Variants in TDRD9 observed in about 807,000 individuals in gnomAD.
TDRD9 encodes ATP-dependent RNA helicase TDRD9.
In TDRD9, 124 loss-of-function variants were observed where a neutral mutation model predicts 172.6. The observed-to-expected ratio is 0.72, with a 90% CI of 0.62 to 0.83. The LOEUF (loss-of-function observed/expected upper bound fraction) is 0.83. TDRD9 is among the 40% of genes least tolerant of loss of function. The pLI, the probability that TDRD9 is intolerant of heterozygous loss-of-function variation, is 0.00. For missense variants in TDRD9, 1,479 were observed against 1,714.1 expected (o/e 0.86, Z 2.42); for synonymous variants, 619 against 617.1 (o/e 1.00, Z -0.05).
At position 103,965,511 on chromosome 14, in the gene TDRD9, G is replaced by T. The variant is rs936600145; in HGVS notation, c.599G>T (p.Ser200Ile). ...IGASSIARWISKERAWTLGGV... is the reference protein window; with the variant it reads ...IGASSIARWIIKERAWTLGGV... Reference sequence around the variant, plus strand: ...GCAAGCAGCATCGCCAGGTGGATCAGTAAAGAGCGTGCCTGGACCCTGGGA... The same window carrying T: ...GCAAGCAGCATCGCCAGGTGGATCATTAAAGAGCGTGCCTGGACCCTGGGA... Residue 200 changes from serine (S) to isoleucine (I), a missense_variant, in exon 4 of 36, where the codon AGT becomes ATT. By Grantham distance (142) the Ser-to-Ile change is moderately radical. Coordinates refer to ENST00000409874, the MANE Select transcript of TDRD9 (RefSeq NM_153046.3). 1.4e-5 allele frequency: 20 copies of T among 1,426,990 alleles called. No individual in the cohort carries two copies. Among genetic ancestry groups the T allele is most frequent in the Non-Finnish European group, 1.9e-5 (20 of 1,071,042 alleles). 88.4% of individuals were successfully genotyped at this position (1,426,990 alleles called of 1,614,324 possible).
chr14:104,004,361 GTTTATTTATTTA>G (rs10593237), intron 14 of TDRD9, 26 bp downstream of exon 14: 287,880 of 740,024 alleles, frequency 0.39, 55,812 homozygotes, highest in African/African-American at 0.43. Flanking sequence ...CATTGTCAAA[GTTTATTTATTTA>G]TTTATTTATT....
At chr14:103,939,664 T>A (rs1212516) in intron 1 of TDRD9, 1 of 111,902 alleles carries the variant, frequency 8.9e-6, no homozygotes, top group Non-Finnish European at 1.7e-5. Flanking sequence ...GCAGGGAGAA[T>A]AAAGTTAGGA....
intron 7 of TDRD9, among the ~76,000 whole-genome samples, chr14:103,983,768 A>G (rs997292185): frequency 4.6e-5 from 7 of 152,194 alleles, no homozygotes; most frequent in African/African-American, 1.7e-4. Flanking sequence ...CCACTTTGGA[A>G]CTGAGTAACA....
intron 20 of TDRD9, among the ~76,000 whole-genome samples, chr14:104,010,834 G>A (rs1461144230): frequency 6.6e-6 from 1 of 152,088 alleles, no homozygotes; most frequent in Non-Finnish European, 1.5e-5. Flanking sequence ...CCATATACTC[G>A]GGCTTGCATC....
chr14:104,023,098 A>G (rs767047670), intron 24 of TDRD9, among the ~76,000 whole-genome samples: 11 of 149,072 alleles, frequency 7.4e-5, no homozygotes, highest in Admixed American at 1.4e-4. Flanking sequence ...AGGACAATCA[A>G]TTAAACCCAG....
At chr14:103,933,051 G>A (rs1374638302) in intron 1 of TDRD9, among the ~76,000 whole-genome samples, 2 of 152,194 alleles carry the variant, frequency 1.3e-5, no homozygotes, top group Non-Finnish European at 2.9e-5. Context: ...TGTTGCCGGA[G>A]TGCCTGTGGG....
intron 28 of TDRD9, among the ~76,000 whole-genome samples, chr14:104,030,729 C>CA (rs1166813891): frequency 6.6e-6 from 1 of 151,924 alleles, no homozygotes; most frequent in African/African-American, 2.4e-5. Context: ...ATCGCAAGGA[C>CA]AAAAAACCAA....
At chr14:103,934,669 C>G (rs1427508460) in intron 1 of TDRD9, among the ~76,000 whole-genome samples, 2 of 152,192 alleles carry the variant, frequency 1.3e-5, no homozygotes, top group Non-Finnish European at 2.9e-5. Context: ...GTAGTCCCCG[C>G]TACTCGGGAG....
chr14:104,006,986 A>G (rs2152219777), intron 18 of TDRD9, 141 bp downstream of exon 18: 2 of 989,544 alleles, frequency 2.0e-6, no homozygotes, highest in East Asian at 2.6e-5. Flanking sequence ...CCAGTGTTAA[A>G]TTAACCGTGC....
intron 1 of TDRD9, among the ~76,000 whole-genome samples, chr14:103,947,200 G>A (rs1256813702): frequency 6.6e-6 from 1 of 152,160 alleles, no homozygotes; most frequent in African/African-American, 2.4e-5. Flanking sequence ...GACCAATGGA[G>A]TAGAGAGCCC....
chr14:104,009,922 C>T (rs1595982097), intron 20 of TDRD9, among the ~76,000 whole-genome samples: 2 of 151,474 alleles, frequency 1.3e-5, no homozygotes, highest in South Asian at 2.1e-4. Flanking sequence ...TATGTCACCA[C>T]TCGTAATTTG....
chr14:104,003,591 C>T (rs1035907497), intron 13 of TDRD9, among the ~76,000 whole-genome samples: 7 of 152,162 alleles, frequency 4.6e-5, no homozygotes, highest in African/African-American at 1.4e-4. Flanking sequence ...CCCTCCTACC[C>T]CTCCCTTCAC....
intron 6 of TDRD9, among the ~76,000 whole-genome samples, chr14:103,973,072 T>C (rs2033100309): frequency 6.6e-6 from 1 of 152,232 alleles, no homozygotes; most frequent in South Asian, 2.1e-4. Flanking sequence ...AACAAAACCC[T>C]ACACTGATGG....
chr14:103,960,517 A>G (rs1052898525), intron 2 of TDRD9, among the ~76,000 whole-genome samples: 1 of 152,110 alleles, frequency 6.6e-6, no homozygotes, highest in Non-Finnish European at 1.5e-5. Context: ...GCTTTGTTGT[A>G]TGTAGTTTGT....
rs544566720 is a variant in TDRD9, at chr14:103,943,040, G to GT, written c.216-12614dup. ...TTCATCGTAGAAAAATCATTTTCGTGTTTTTTTTTTGGAGCTGAGGATGAA... is the reference window on the plus strand; with the variant it reads ...TTCATCGTAGAAAAATCATTTTCGTGTTTTTTTTTTTGGAGCTGAGGATGAA... On this transcript the variant is annotated intron_variant, in intron 1 of 35. Coordinates refer to ENST00000409874, the MANE Select transcript of TDRD9 (RefSeq NM_153046.3). Among the ~76,000 whole-genome samples, 233 of 146,868 alleles carry GT rather than the reference G, an allele frequency of 1.6e-3. 1 individual carries two copies. Among genetic ancestry groups the GT allele is most frequent in the South Asian group, 9.0e-3 (42 of 4,652 alleles).
In TDRD9 at chr14:103,928,597, C is replaced by T. The variant is rs1312631040; in HGVS notation, c.88C>T (p.Pro30Ser). The change falls in exon 1 of 36, where the codon CCC (proline) becomes TCC (serine). Residue 30 changes from proline to serine, a missense_variant. This residue lies in a region of TDRD9 where 63 missense variants were observed against 48.4 expected (regional missense o/e 1.30). Transcript: ENST00000409874. Reference sequence around the variant, plus strand: ...CAATGTGGAGCTGCTGGGCGCGCCGCCCGCCTTCCCGGCAGGGGCGGCCAG... The same window carrying T: ...CAATGTGGAGCTGCTGGGCGCGCCGTCCGCCTTCCCGGCAGGGGCGGCCAG... ...VTNVELLGAP[P>S]AFPAGAAREE... 2 of 1,347,394 alleles carry T rather than the reference C, an allele frequency of 1.5e-6. No homozygotes were observed. The highest frequency in any genetic ancestry group is 1.9e-6 in the Non-Finnish European group (2 of 1,031,132). 83.5% of individuals were successfully genotyped at this position (1,347,394 alleles called of 1,614,324 possible). A position where few individuals can be genotyped will look rare whatever the true frequency, so the allele number is the denominator to read the frequency against.
chr14:104,009,489 G>GAGTC (rs1310233317), intron 20 of TDRD9, among the ~76,000 whole-genome samples: 1 of 152,208 alleles, frequency 6.6e-6, no homozygotes, highest in Non-Finnish European at 1.5e-5. Flanking sequence ...GGTTCTGGGT[G>GAGTC]AGTCAGTGAG....
rs76656886 is a variant in TDRD9 at position 104,019,010 on chromosome 14, A to G, written c.2432+818A>G. Among the ~76,000 whole-genome samples the G allele has an allele frequency of 5.3e-5, 8 of 152,346 alleles. No homozygotes were observed. In the East Asian group the frequency reaches 1.5e-3, roughly 29 times the overall value. ...TGAGGCAAACACACAACTCCCTAAT[A>G]AGCAAAACCTTCCTAAGTGCTTTGA... On this transcript the variant is annotated intron_variant, in intron 23 of 35. Transcript: ENST00000409874.
At chr14:104,030,373 T>C (rs2035245335) in intron 28 of TDRD9, among the ~76,000 whole-genome samples, 1 of 152,064 alleles carries the variant, frequency 6.6e-6, no homozygotes, top group South Asian at 2.1e-4. Context: ...GCACCTGTAA[T>C]CATACTACTC....
Sources: allele counts gnomAD v4.1 joint callset (sites outside exome capture counted in the v4.1 genomes callset), GRCh38; gene constraint gnomAD v4.1.1; regional missense constraint gnomAD v4.1.1; transcripts MANE v1.5; gene names NCBI Gene and HGNC (gene_info 2026-07-23, HGNC 2026-07-21).